SYNPO2L: variants seen among roughly 807,000 people sequenced by gnomAD.
SYNPO2L encodes synaptopodin 2-like protein.
SYNPO2L carries 34 observed loss-of-function variants against 47.5 expected under a neutral mutation model. The ratio of observed to expected loss-of-function variants is 0.72; its 90% CI spans 0.54 to 0.95. The LOEUF (loss-of-function observed/expected upper bound fraction) is 0.95, where lower values mean the gene tolerates loss of function less well. SYNPO2L is among the 40% of genes least tolerant of loss of function. The probability of loss-of-function intolerance (pLI) is 0.00; values close to 1 mark genes in which losing one functional copy is unlikely to be tolerated. For missense variants in SYNPO2L, 1,246 were observed against 1,282.0 expected (o/e 0.97, Z 0.43); for synonymous variants, 536 against 524.9 (o/e 1.02, Z -0.29).
Position 73,648,002 on chromosome 10 carries a change from C to A in SYNPO2L, c.1650G>T (p.Leu550=). 1 of 1,575,260 alleles carries A rather than the reference C, an allele frequency of 6.3e-7. No homozygotes were observed. Among genetic ancestry groups the A allele is most frequent in the Non-Finnish European group, 8.6e-7 (1 of 1,162,302 alleles). Residue 550 remains leucine (L), a synonymous_variant, in exon 4 of 4, where the codon CTG becomes CTT. Transcript: ENST00000394810. The stretch of plus-strand genomic sequence containing the variant: ...CAGGCCGACTAGGGGCTGGGATGTA[C>A]AGGGAGCTGGTGGCTGTCACAGGGC... ...SSGPVTATSS[L]YIPAPSRPVT...
In SYNPO2L at chr10:73,648,172, T is replaced by C. The variant is rs866003442; in HGVS notation, c.1480A>G (p.Arg494Gly). 1.3e-6 allele frequency: 2 copies of C among 1,556,968 alleles called. No individual in the cohort carries two copies. Among genetic ancestry groups the C allele is most frequent in the South Asian group, 1.2e-5 (1 of 82,772 alleles). ...SVIFRPLAPK[R>G]ANDSLGGLSP... is the part of the protein sequence containing the mutation. ...AGGCCCCCCAGGCTGTCGTTCGCCC[T>C]TTTGGGGGCTAAAGGCCGGAAAATA... is the stretch of plus-strand genomic sequence containing the variant. The change falls in exon 4 of 4, where the codon AGG becomes GGG. Residue 494 changes from arginine (R) to glycine (G), a missense_variant. By Grantham distance (125) the Arg-to-Gly change is moderately radical. This residue lies in a region of SYNPO2L where 1,037 missense variants were observed against 1,021.5 expected (regional missense o/e 1.02). Coordinates refer to ENST00000394810, the MANE Select transcript of SYNPO2L (RefSeq NM_001114133.3).
intron 3 of SYNPO2L, chr10:73,650,053 C>A (rs542184853): frequency 2.0e-6 from 2 of 985,420 alleles, no homozygotes; most frequent in South Asian, 9.4e-5. Flanking sequence ...GCAGGGCTTT[C>A]CATGCCATGT....
chr10:73,653,576 G>A lies in SYNPO2L; in HGVS notation c.335C>T (p.Pro112Leu), dbSNP rs1256809812. The change falls in exon 3 of 4, where the codon CCT (proline) becomes CTT (leucine). Residue 112 changes from proline to leucine, a missense_variant. Coordinates refer to ENST00000394810, the MANE Select transcript of SYNPO2L (RefSeq NM_001114133.3). ...AGGAACTGGAGCACCAGGGGGCTCA[G>A]GACTTAGTGGAGATAAGGGTGACAG... ...QVLSPLSPLSPEPPGAPVPQP... is the reference protein window; with the variant it reads ...QVLSPLSPLSLEPPGAPVPQP... 10 of 1,552,086 alleles carry A rather than the reference G, an allele frequency of 6.4e-6. No individual in the cohort carries two copies. The highest frequency in any genetic ancestry group is 8.7e-6 in the Non-Finnish European group (10 of 1,147,084).
chr10:73,650,247 A>C, intron 3 of SYNPO2L: 1 of 985,180 alleles, frequency 1.0e-6, no homozygotes, highest in African/African-American at 1.7e-5. Flanking sequence ...TGAGCTTTGT[A>C]ATGAGCTCCT....
Position 73,647,823 on chromosome 10 carries a change from C to T in SYNPO2L, c.1829G>A (p.Arg610His). Reference protein sequence around the residue: ...GPGAPEPPSAREQRISVPAAR... With the variant: ...GPGAPEPPSAHEQRISVPAAR... ...AGCTGGCACAGAGATGCGCTGCTCG[C>T]GAGCGCTGGGGGGCTCAGGAGCCCC... is the stretch of plus-strand genomic sequence containing the variant. The change falls in exon 4 of 4, where the codon CGC becomes CAC. Residue 610 changes from arginine (R) to histidine (H), a missense_variant. Arg to His is a conservative substitution (Grantham distance 29). Transcript: ENST00000394810. 1 of 1,590,752 alleles carries T rather than the reference C, an allele frequency of 6.3e-7. No individual in the cohort carries two copies.
Position 73,647,351 on chromosome 10 carries a change from G to A in SYNPO2L, c.2301C>T (p.Ser767=), listed in dbSNP as rs1462003463. The A allele has an allele frequency of 3.1e-6, 5 of 1,614,092 alleles. No individual in the cohort carries two copies. In the South Asian group the frequency reaches 4.4e-5, roughly 14 times the overall value. ...RGGELFAKRQ[S]RADRYVVEGT... ...CTTCCACCACATACCTGTCCGCACGGCTCTGCCGCTTAGCAAACAGCTCCC... is the reference window on the plus strand; with the variant it reads ...CTTCCACCACATACCTGTCCGCACGACTCTGCCGCTTAGCAAACAGCTCCC... Residue 767 remains serine, a synonymous_variant, in exon 4 of 4, where the codon AGC becomes AGT. Coordinates refer to ENST00000394810, the MANE Select transcript of SYNPO2L (RefSeq NM_001114133.3).
At position 73,647,373 on chromosome 10, in the gene SYNPO2L, T is replaced by C. The variant is rs1589451082; in HGVS notation, c.2279A>G (p.Glu760Gly). ...EPPRLQGRGG[E>G]LFAKRQSRAD... ...ACGGCTCTGCCGCTTAGCAAACAGC[T>C]CCCCACCCCTGCCCTGCAGCCTTGG... Residue 760 changes from glutamate (E) to glycine (G), a missense_variant, in exon 4 of 4, where the codon GAG becomes GGG. Coordinates refer to ENST00000394810, the MANE Select transcript of SYNPO2L (RefSeq NM_001114133.3). 6.2e-7 allele frequency: 1 copy of C among 1,613,696 alleles called. No individual in the cohort carries two copies. Among genetic ancestry groups the C allele is most frequent in the Non-Finnish European group, 8.5e-7 (1 of 1,179,916 alleles).
At position 73,648,098 on chromosome 10, in the gene SYNPO2L, C is replaced by A; in HGVS notation, c.1554G>T (p.Leu518=). Residue 518 remains leucine (L), a synonymous_variant, in exon 4 of 4, where the codon CTG becomes CTT. Transcript: ENST00000394810. ...PFLSSQGPTP[L]PSFTSGVPSH... is the part of the protein sequence containing the mutation. ...TGGGAACCCCTGAAGTGAAGCTGGGCAGAGGGGTGGGCCCCTGCGAAGACA... is the reference window on the plus strand; with the variant it reads ...TGGGAACCCCTGAAGTGAAGCTGGGAAGAGGGGTGGGCCCCTGCGAAGACA... 1 of 1,553,724 alleles carries A rather than the reference C, an allele frequency of 6.4e-7. No individual in the cohort carries two copies. The highest frequency in any genetic ancestry group is 8.7e-7 in the Non-Finnish European group (1 of 1,151,684).
Position 73,648,124 on chromosome 10 carries a change from A to G in SYNPO2L, c.1528T>C (p.Leu510=), listed in dbSNP as rs185248935. Residue 510 remains leucine, a synonymous_variant, in exon 4 of 4, where the codon TTG becomes CTG. Transcript: ENST00000394810. ...GGLSPAPPPF[L]SSQGPTPLPS... ...AGAGGGGTGGGCCCCTGCGAAGACA[A>G]GAAGGGGGGTGGGGCGGGGCTGAGG... The G allele has an allele frequency of 6.1e-4, 937 of 1,536,648 alleles. 3 individuals are homozygous for G. The African/African-American group carries it at 0.012, about 19-fold the overall frequency.
chr10:73,648,682 C>G lies in SYNPO2L; in HGVS notation c.970G>C (p.Glu324Gln). 1 of 1,610,532 alleles carries G rather than the reference C, an allele frequency of 6.2e-7. No individual in the cohort carries two copies. Among genetic ancestry groups the G allele is most frequent in the South Asian group, 1.1e-5 (1 of 91,010 alleles). The change falls in exon 4 of 4, where the codon GAG becomes CAG. Residue 324 changes from glutamate to glutamine, a missense_variant. By Grantham distance (29) the Glu-to-Gln change is conservative. Transcript: ENST00000394810. Reference protein sequence around the residue: ...GAAAGTGAEEEDGVPPTSESE... With the variant: ...GAAAGTGAEEQDGVPPTSESE... ...TCACTCGTGGGGGGAACGCCGTCCTCCTCCTCAGCGCCTGTCCCAGCAGCA... is the reference window on the plus strand; with the variant it reads ...TCACTCGTGGGGGGAACGCCGTCCTGCTCCTCAGCGCCTGTCCCAGCAGCA...
intron 3 of SYNPO2L, among the ~76,000 whole-genome samples, chr10:73,652,101 A>G (rs1344517910): frequency 6.7e-6 from 1 of 149,596 alleles, no homozygotes; most frequent in African/African-American, 2.5e-5. Flanking sequence ...CCAGAAAAAA[A>G]AAAGAACCCC....
intron 3 of SYNPO2L, among the ~76,000 whole-genome samples, chr10:73,649,182 A>C (rs1054526718): frequency 6.6e-6 from 1 of 152,066 alleles, no homozygotes; most frequent in Non-Finnish European, 1.5e-5. Flanking sequence ...TATCCACCCC[A>C]CACACATTCC....
rs769961395 is a variant in SYNPO2L, at chr10:73,647,469, T to G, written c.2183A>C (p.Lys728Thr). ...ATCAAGGAGCCCTCGAGATGGGGGC[T>G]TAGGAGCCACTGGGGGTGGAGTCTT... ...TPKTPPPVAP[K>T]PPSRGLLDGL... The change falls in exon 4 of 4, where the codon AAG becomes ACG. Residue 728 changes from lysine (K) to threonine (T), a missense_variant. Physicochemically the swap from Lys to Thr is moderately conservative, Grantham distance 78 (BLOSUM62 -1). Around this residue, in one of 3 missense-constraint regions of SYNPO2L, gnomAD observed 1,037 missense variants for 1,021.5 expected, o/e 1.02. Transcript: ENST00000394810. The G allele has an allele frequency of 7.5e-6, 12 of 1,597,310 alleles. No homozygotes were observed. The African/African-American group carries it at 1.6e-4, about 21-fold the overall frequency.
In SYNPO2L at chr10:73,648,167, C is replaced by A. The variant is rs1384014447; in HGVS notation, c.1485G>T (p.Ala495=). 6.4e-7 allele frequency: 1 copy of A among 1,553,066 alleles called. No homozygotes were observed. The highest frequency in any genetic ancestry group is 8.7e-7 in the Non-Finnish European group (1 of 1,151,588). ...VIFRPLAPKR[A]NDSLGGLSPA... ...GGCTGAGGCCCCCCAGGCTGTCGTTCGCCCTTTTGGGGGCTAAAGGCCGGA... is the reference window on the plus strand; with the variant it reads ...GGCTGAGGCCCCCCAGGCTGTCGTTAGCCCTTTTGGGGGCTAAAGGCCGGA... Residue 495 remains alanine (A), a synonymous_variant, in exon 4 of 4, where the codon GCG becomes GCT. Coordinates refer to ENST00000394810, the MANE Select transcript of SYNPO2L (RefSeq NM_001114133.3).
At chr10:73,650,096 G>C (rs1358484472) in intron 3 of SYNPO2L, 1 of 985,250 alleles carries the variant, frequency 1.0e-6, no homozygotes, top group Non-Finnish European at 1.2e-6. Flanking sequence ...GGAAATGGGA[G>C]GGCTACCCTG....
intron 3 of SYNPO2L, chr10:73,649,815 A>C: frequency 1.0e-6 from 1 of 985,432 alleles, no homozygotes; most frequent in Non-Finnish European, 1.2e-6. Flanking sequence ...ACTCACAGTC[A>C]GGGGTAGTCT....
In SYNPO2L at chr10:73,646,864, G is replaced by C. The variant is rs1345017032; in HGVS notation, c.2788C>G (p.Pro930Ala). The change falls in exon 4 of 4, where the codon CCT becomes GCT. Residue 930 changes from proline to alanine, a missense_variant. Physicochemically the swap from Pro to Ala is conservative, Grantham distance 27. Coordinates refer to ENST00000394810, the MANE Select transcript of SYNPO2L (RefSeq NM_001114133.3). ...WRTELASAPV[P>A]SPAPPPEAPR... Reference sequence around the variant, plus strand: ...GCCTCTGGAGGAGGGGCTGGGCTAGGAACAGGGGCTGAGGCCAGTTCTGTT... The same window carrying C: ...GCCTCTGGAGGAGGGGCTGGGCTAGCAACAGGGGCTGAGGCCAGTTCTGTT... 2 of 1,561,048 alleles carry C rather than the reference G, an allele frequency of 1.3e-6. No individual in the cohort carries two copies. Among genetic ancestry groups the C allele is most frequent in the Admixed American group, 3.8e-5 (2 of 52,710 alleles).
intron 2 of SYNPO2L, 143 bp from the exon 3 acceptor site, chr10:73,653,796 C>T (rs2081859156): frequency 4.2e-6 from 5 of 1,204,086 alleles, no homozygotes; most frequent in South Asian, 1.7e-5. Context: ...ATGGGTGGGC[C>T]GGGAAGAGTG....
rs775212790 is a variant in SYNPO2L at position 73,647,894 on chromosome 10, C to T, written c.1758G>A (p.Ala586=). The T allele has an allele frequency of 2.6e-6, 4 of 1,530,306 alleles. No individual in the cohort carries two copies. The highest frequency in any genetic ancestry group is 2.6e-6 in the Non-Finnish European group (3 of 1,142,438). The allele number at this position is 1,530,306 out of a possible 1,614,324, so 94.8% of individuals were successfully genotyped here. Residue 586 remains alanine, a synonymous_variant, in exon 4 of 4, where the codon GCG becomes GCA. Transcript: ENST00000394810. ...MTSTASIFLS[A]PLRPSARPEA... The stretch of plus-strand genomic sequence containing the variant: ...CTGGGCGCGCAGAGGGTCGCAAAGG[C>T]GCAGATAGGAAGATAGAAGCGGTGG...
Sources: allele counts gnomAD v4.1 joint callset (sites outside exome capture counted in the v4.1 genomes callset), GRCh38; gene constraint gnomAD v4.1.1; regional missense constraint gnomAD v4.1.1; transcripts MANE v1.5; gene names NCBI Gene and HGNC (gene_info 2026-07-23, HGNC 2026-07-21).